The following PLAC1 variants were observed in gnomAD, a reference collection of about 807,000 sequenced individuals.
The protein encoded by PLAC1 is placenta associated 1.
For synonymous variants in PLAC1, 68 were observed against 62.1 expected (o/e 1.09, Z -0.44); for missense variants, 136 against 163.2 (o/e 0.83, Z 0.91).
chrX:134,666,127 TC>T (rs2078436047), intron 2 of PLAC1, among the ~76,000 whole-genome samples: 1 of 111,313 alleles, frequency 9.0e-6, no homozygotes, highest in Admixed American at 9.6e-5. Flanking sequence ...GTATCAAAGC[TC>T]GTCTCCTTTG....
chrX:134,703,726 T>C (rs932689189), intron 2 of PLAC1, among the ~76,000 whole-genome samples: 9 of 110,055 alleles, frequency 8.2e-5, no homozygotes, highest in Non-Finnish European at 1.7e-4. Context: ...AGCTGTTTTT[T>C]CTTAAAAAAA....
chrX:134,706,385 G>A (rs2078604792), intron 2 of PLAC1, among the ~76,000 whole-genome samples: 2 of 112,135 alleles, frequency 1.8e-5, no homozygotes, highest in African/African-American at 6.5e-5. Flanking sequence ...GGAGCTGTAC[G>A]TCCATCTCCA....
intron 2 of PLAC1, among the ~76,000 whole-genome samples, chrX:134,590,052 G>T (rs371285511): frequency 9.1e-6 from 1 of 109,333 alleles, no homozygotes; most frequent in Non-Finnish European, 1.9e-5. Flanking sequence ...AAAATTAGCC[G>T]GGCGTGGTGG....
At chrX:134,638,560 C>T (rs2078293888) in intron 1 of PLAC1, among the ~76,000 whole-genome samples, 1 of 111,273 alleles carries the variant, frequency 9.0e-6, no homozygotes, top group Non-Finnish European at 1.9e-5. Flanking sequence ...TTGTATTTTT[C>T]ATTTCATCAC....
intron 2 of PLAC1, among the ~76,000 whole-genome samples, chrX:134,568,960 TTCTC>T (rs2077891246): frequency 9.0e-6 from 1 of 110,677 alleles, no homozygotes; most frequent in African/African-American, 3.3e-5. Flanking sequence ...CTCTCTCTTT[TTCTC>T]TCTCTCCTTC....
chrX:134,628,960 G>A (rs1264323211), intron 1 of PLAC1, among the ~76,000 whole-genome samples: 3 of 111,839 alleles, frequency 2.7e-5, no homozygotes, highest in African/African-American at 9.7e-5. Context: ...GGGCTGGGCT[G>A]GTTCAAGTTG....
chrX:134,578,046 G>C (rs2077949516), intron 2 of PLAC1, among the ~76,000 whole-genome samples: 1 of 110,307 alleles, frequency 9.1e-6, no homozygotes, highest in East Asian at 2.9e-4. Context: ...CAAGGGGAAG[G>C]TGGCAGGGGA....
At chrX:134,657,195 G>A (rs2078396279) in intron 1 of PLAC1, among the ~76,000 whole-genome samples, 1 of 112,449 alleles carries the variant, frequency 8.9e-6, no homozygotes, top group South Asian at 3.7e-4. Flanking sequence ...CACCAATTAT[G>A]TATCCAGCAC....
At chrX:134,630,751 C>T (rs759604488) in intron 1 of PLAC1, among the ~76,000 whole-genome samples, 3 of 112,070 alleles carry the variant, frequency 2.7e-5, no homozygotes, top group Non-Finnish European at 5.6e-5. Context: ...CTCAATTTCT[C>T]TTAGTCTTGG....
Position 134,566,088 on chromosome X carries a change from C to G in PLAC1, c.595G>C (p.Glu199Gln), listed in dbSNP as rs1470126251. The G allele has an allele frequency of 1.7e-6, 2 of 1,210,532 alleles. No homozygotes were observed. The highest frequency in any genetic ancestry group is 2.2e-5 in the Admixed American group (1 of 46,038). ...LQPSHFLDIS[E>Q]DWSLHTDDMI... ...TCATCTGTGTGAAGAGACCAATCCT[C>G]AGAAATATCAAGAAAGTGAGATGGC... Residue 199 changes from glutamate to glutamine, a missense_variant, in exon 3 of 3, where the codon GAG becomes CAG. By Grantham distance (29) the Glu-to-Gln change is conservative. Coordinates refer to ENST00000359237, the MANE Select transcript of PLAC1 (RefSeq NM_021796.4).
intron 2 of PLAC1, among the ~76,000 whole-genome samples, chrX:134,583,413 C>T (rs1410431903): frequency 5.3e-5 from 4 of 75,928 alleles, no homozygotes; most frequent in Non-Finnish European, 7.4e-5. Flanking sequence ...TTTTGGCTTA[C>T]GTCTAAACCA....
At chrX:134,744,789 G>T (rs2078725594) in intron 1 of PLAC1, among the ~76,000 whole-genome samples, 1 of 111,642 alleles carries the variant, frequency 9.0e-6, no homozygotes, top group South Asian at 3.8e-4. Context: ...TGCTATTTTT[G>T]TACTACCAGC....
intron 1 of PLAC1, among the ~76,000 whole-genome samples, chrX:134,646,046 G>A (rs748753279): frequency 5.4e-5 from 6 of 111,835 alleles, no homozygotes; most frequent in Non-Finnish European, 7.5e-5. Context: ...GAAGTGAGCC[G>A]GGGAAAACTA....
chrX:134,660,690 T>G (rs922652815), upstream of PLAC1, among the ~76,000 whole-genome samples: 1 of 111,578 alleles, frequency 9.0e-6, no homozygotes, highest in African/African-American at 3.3e-5. Flanking sequence ...CCAGTAAGTG[T>G]CCAGTTGGAG....
intron 1 of PLAC1, among the ~76,000 whole-genome samples, chrX:134,631,325 C>T (rs2078260579): frequency 9.0e-6 from 1 of 111,724 alleles, no homozygotes; most frequent in Non-Finnish European, 1.9e-5. Flanking sequence ...CCAGCAAAAC[C>T]CAGAGCTTTA....
At chrX:134,611,989 C>T (rs375519298) in intron 1 of PLAC1, among the ~76,000 whole-genome samples, 17 of 111,709 alleles carry the variant, frequency 1.5e-4, no homozygotes, top group Non-Finnish European at 2.6e-4. Context: ...TCTCTTCAGC[C>T]GAGATGTAAT....
intron 2 of PLAC1, among the ~76,000 whole-genome samples, chrX:134,588,029 C>G (rs2078014425): frequency 9.0e-6 from 1 of 111,605 alleles, no homozygotes; most frequent in Non-Finnish European, 1.9e-5. Flanking sequence ...GTGATTGACC[C>G]TAGAAAAGCC....
At chrX:134,659,748 C>A (rs1020735434), upstream of PLAC1, among the ~76,000 whole-genome samples, 2 of 112,082 alleles carry the variant, frequency 1.8e-5, no homozygotes, top group African/African-American at 6.5e-5. Flanking sequence ...CGGTTTTTGC[C>A]GTTGAAATTA....
chrX:134,699,722 A>G (rs940755197), intron 2 of PLAC1, among the ~76,000 whole-genome samples: 3 of 112,459 alleles, frequency 2.7e-5, no homozygotes, highest in African/African-American at 9.7e-5. Flanking sequence ...TTGCCCTTCT[A>G]GAGTCCTGAC....
Sources: gnomAD v4.1 joint callset for allele counts (sites outside exome capture counted in the v4.1 genomes callset) on GRCh38, gnomAD v4.1.1 for gene constraint, MANE v1.5 for transcripts, NCBI Gene and HGNC (gene_info 2026-07-23, HGNC 2026-07-21) for gene names.